Variants in ADGRA3 observed in about 807,000 individuals in gnomAD.
The protein encoded by ADGRA3 is G-protein coupled receptor 125.
In ADGRA3, 56 loss-of-function variants were observed where a neutral mutation model predicts 119.8. That is an observed-to-expected ratio of 0.47 (90% CI 0.38 to 0.58). The LOEUF (loss-of-function observed/expected upper bound fraction) is 0.58. ADGRA3 is among the 20% of genes least tolerant of loss of function. The pLI is 0.00. For synonymous variants in ADGRA3, 607 were observed against 623.8 expected, an observed-to-expected ratio of 0.97 and a Z score of 0.40; for missense variants, 1,516 against 1,649.0, an observed-to-expected ratio of 0.92 and a Z score of 1.40.
chr4:22,434,117 TTATATA>T (rs537951634), intron 10 of ADGRA3, among the ~76,000 whole-genome samples: 1 of 148,736 alleles, frequency 6.7e-6, no homozygotes, highest in Non-Finnish European at 1.5e-5. Flanking sequence ...GTACTAATTC[TTATATA>T]TATATTATAT....
chr4:22,511,820 T>A (rs988790102), intron 1 of ADGRA3, among the ~76,000 whole-genome samples: 1 of 150,690 alleles, frequency 6.6e-6, no homozygotes, highest in Admixed American at 6.6e-5. Context: ...GCACCTGGGG[T>A]CCCCCACTTC....
chr4:22,413,988 C>T (rs1715330555), intron 12 of ADGRA3, 174 bp from the exon 13 acceptor site: 2 of 500,202 alleles, frequency 4.0e-6, no homozygotes, highest in South Asian at 3.3e-5. Context: ...GTCAACACCA[C>T]ATAACATAGA....
At chr4:22,462,632 T>C (rs1177487712) in intron 2 of ADGRA3, among the ~76,000 whole-genome samples, 1 of 152,162 alleles carries the variant, frequency 6.6e-6, no homozygotes, top group Non-Finnish European at 1.5e-5. Context: ...AGGTTTTCTA[T>C]GAGGTGAGGA....
intron 1 of ADGRA3, among the ~76,000 whole-genome samples, chr4:22,515,010 T>C (rs1254621975): frequency 6.6e-6 from 1 of 152,222 alleles, no homozygotes; most frequent in East Asian, 1.9e-4. Flanking sequence ...AAAGGTGCTC[T>C]TTAACTGTAA....
intron 3 of ADGRA3, chr4:22,455,822 T>A (rs1355089949): frequency 7.8e-7 from 1 of 1,288,546 alleles, no homozygotes; most frequent in Non-Finnish European, 1.0e-6. Flanking sequence ...TGGCATGGCA[T>A]GACTCGCATC....
At chr4:22,468,124 G>A (rs545703049) in intron 2 of ADGRA3, among the ~76,000 whole-genome samples, 1 of 152,304 alleles carries the variant, frequency 6.6e-6, no homozygotes, top group Non-Finnish European at 1.5e-5. Flanking sequence ...CCTTCAGGCT[G>A]AGCCTATGGT....
At chr4:22,488,532 C>T (rs1718515904) in intron 1 of ADGRA3, among the ~76,000 whole-genome samples, 1 of 152,144 alleles carries the variant, frequency 6.6e-6, no homozygotes. Flanking sequence ...CTAACAAGAG[C>T]TGTAAGGGGT....
At chr4:22,487,752 G>A (rs1718481324) in intron 1 of ADGRA3, among the ~76,000 whole-genome samples, 1 of 152,118 alleles carries the variant, frequency 6.6e-6, no homozygotes, top group Non-Finnish European at 1.5e-5. Flanking sequence ...AGCACTACCT[G>A]CCAAATAAAA....
chr4:22,432,963 T>G (rs1219987546), intron 10 of ADGRA3, among the ~76,000 whole-genome samples: 1 of 152,226 alleles, frequency 6.6e-6, no homozygotes, highest in Non-Finnish European at 1.5e-5. Context: ...TAGGATAACT[T>G]GGCATAATTT....
At chr4:22,500,668 G>A (rs1719019065) in intron 1 of ADGRA3, among the ~76,000 whole-genome samples, 1 of 152,172 alleles carries the variant, frequency 6.6e-6, no homozygotes, top group Non-Finnish European at 1.5e-5. Flanking sequence ...TTTTTACTCT[G>A]TTGTGATGGT....
chr4:22,470,792 G>C (rs575754723), intron 2 of ADGRA3, among the ~76,000 whole-genome samples: 28 of 152,168 alleles, frequency 1.8e-4, no homozygotes, highest in African/African-American at 6.8e-4. Flanking sequence ...GCAGAAAAGT[G>C]GGAAGTGAGA....
chr4:22,427,716 A>G (rs1397980624), intron 10 of ADGRA3, among the ~76,000 whole-genome samples: 1 of 152,182 alleles, frequency 6.6e-6, no homozygotes, highest in East Asian at 1.9e-4. Flanking sequence ...TGCATGAAAA[A>G]TTACACTGGA....
chr4:22,395,889 G>T (rs1044054838), intron 16 of ADGRA3, among the ~76,000 whole-genome samples: 2 of 152,166 alleles, frequency 1.3e-5, no homozygotes, highest in Non-Finnish European at 2.9e-5. Flanking sequence ...TCACTGATCA[G>T]ATTTTTCCAA....
intron 10 of ADGRA3, among the ~76,000 whole-genome samples, chr4:22,424,967 T>C (rs1827237): frequency 0.68 from 102,353 of 151,604 alleles, 35,539 homozygotes; most frequent in Non-Finnish European, 0.77. Context: ...CCCAGCTACT[T>C]GGGAGGCTGA....
chr4:22,436,417 A>G, intron 9 of ADGRA3, 23 bp downstream of exon 9: 1 of 1,589,890 alleles, frequency 6.3e-7, no homozygotes, highest in South Asian at 1.1e-5. Context: ...CAACCCAAGT[A>G]AACATGAAGA....
chr4:22,471,781 A>C (rs1178690004), intron 2 of ADGRA3, among the ~76,000 whole-genome samples: 1 of 152,198 alleles, frequency 6.6e-6, no homozygotes, highest in Non-Finnish European at 1.5e-5. Flanking sequence ...TGTGGTCCCA[A>C]CAAAGGAGTG....
intron 16 of ADGRA3, among the ~76,000 whole-genome samples, chr4:22,400,336 T>C (rs1714561375): frequency 6.6e-6 from 1 of 152,156 alleles, no homozygotes; most frequent in Non-Finnish European, 1.5e-5. Context: ...AAATGTGGTC[T>C]CTACATACAA....
intron 16 of ADGRA3, among the ~76,000 whole-genome samples, chr4:22,397,166 A>T (rs1714389355): frequency 7.2e-6 from 1 of 139,034 alleles, no homozygotes; most frequent in Non-Finnish European, 1.5e-5. Context: ...TGAATCAACT[A>T]CTGTAATTCT....
chr4:22,391,577 C>T (rs193233723), intron 17 of ADGRA3, among the ~76,000 whole-genome samples: 4 of 151,606 alleles, frequency 2.6e-5, no homozygotes, highest in African/African-American at 9.8e-5. Flanking sequence ...AGCAGAATTC[C>T]TTGTTCTTAG....
Sources: allele counts gnomAD v4.1 joint callset (sites outside exome capture counted in the v4.1 genomes callset), GRCh38; gene constraint gnomAD v4.1.1; transcripts MANE v1.5; gene names NCBI Gene and HGNC (gene_info 2026-07-23, HGNC 2026-07-21).